Variants in MALRD1 observed in about 807,000 individuals in gnomAD.
MALRD1 encodes the protein MAM and LDL-receptor class A domain-containing protein 1.
A neutral mutation model predicts 242.1 loss-of-function variants in MALRD1; 247 were observed. The observed-to-expected ratio is 1.02, with a 90% CI of 0.92 to 1.13. The LOEUF (loss-of-function observed/expected upper bound fraction) is 1.13, where lower values mean the gene tolerates loss of function less well. Ranked by LOEUF, MALRD1 falls within the 50% of genes most tolerant of loss-of-function variation. The probability of loss-of-function intolerance (pLI) is 0.00; values close to 1 mark genes in which losing one functional copy is unlikely to be tolerated. For missense variants in MALRD1, 2,989 were observed against 2,533.1 expected, an observed-to-expected ratio of 1.18 and a Z score of -3.86; for synonymous variants, 995 against 866.6, an observed-to-expected ratio of 1.15 and a Z score of -2.60.
chr10:19,351,842 A>T (rs1844389077), intron 25 of MALRD1, among the ~76,000 whole-genome samples, 164 bp from the exon 26 acceptor site: 1 of 152,180 alleles, frequency 6.6e-6, no homozygotes, highest in Admixed American at 6.5e-5. Flanking sequence ...GGCTGGTCTA[A>T]CTTCACTCAG....
intron 14 of MALRD1, among the ~76,000 whole-genome samples, chr10:19,195,548 G>T (rs971647130): frequency 6.6e-5 from 10 of 152,036 alleles, no homozygotes; most frequent in African/African-American, 2.4e-4. Context: ...GTTTAATTGG[G>T]ATCTTAAATT....
At position 19,108,387 on chromosome 10, in the gene MALRD1, C is replaced by CTTTTTTTTTTTTT. The variant is rs35948766; in HGVS notation, c.694+4338_694+4350dup. Reference sequence around the variant, plus strand: ...TTATTGAGCTCATGAATTGTTTTTTCTTTTTTTTTTTTTTTTTTTTTTTTT... The same window carrying CTTTTTTTTTTTTT: ...TTATTGAGCTCATGAATTGTTTTTTCTTTTTTTTTTTTTTTTTTTTTTTTTTTTTTTTTTTTTT... On this transcript the variant is annotated intron_variant, in intron 5 of 39. Coordinates refer to ENST00000454679, the MANE Select transcript of MALRD1 (RefSeq NM_001142308.3). Among the ~76,000 whole-genome samples, 24 of 19,764 alleles carry CTTTTTTTTTTTTT rather than the reference C, an allele frequency of 1.2e-3. 12 individuals are homozygous for CTTTTTTTTTTTTT. The highest frequency in any genetic ancestry group is 1.8e-3 in the Non-Finnish European group (22 of 12,506). The allele number at this position is 19,764 out of a possible 152,430, so 13.0% of individuals were successfully genotyped here. A position where few individuals can be genotyped will look rare whatever the true frequency, so the allele number is the denominator to read the frequency against.
intron 18 of MALRD1, among the ~76,000 whole-genome samples, chr10:19,224,866 C>T (rs1182742291): frequency 6.6e-6 from 1 of 152,112 alleles, no homozygotes; most frequent in Non-Finnish European, 1.5e-5. Context: ...TCAATTTTGG[C>T]TTTTGTTGCC....
At chr10:19,110,208 G>A (rs756018482) in intron 5 of MALRD1, among the ~76,000 whole-genome samples, 13 of 152,058 alleles carry the variant, frequency 8.5e-5, no homozygotes, top group Non-Finnish European at 1.8e-4. Context: ...CTAGTCAGTT[G>A]TCTTGCTAAC....
In MALRD1 at chr10:19,331,592, AGGGTTCT is replaced by A. The variant is rs1168563802; in HGVS notation, c.3901+12_3901+18del. 6.5e-7 allele frequency: 1 copy of A among 1,547,106 alleles called. No individual in the cohort carries two copies. The highest frequency in any genetic ancestry group is 1.4e-5 in the African/African-American group (1 of 72,978). ...ACTACTTTCATTTGCCGTAAGTAAAAGGGTTCTGTTTTCTTACTTTTGCCTTCAACTC... is the reference window on the plus strand; with the variant it reads ...ACTACTTTCATTTGCCGTAAGTAAAAGTTTTCTTACTTTTGCCTTCAACTC... On this transcript the variant is annotated intron_variant, in intron 24 of 39. Coordinates refer to ENST00000454679, the MANE Select transcript of MALRD1 (RefSeq NM_001142308.3).
At chr10:19,070,219 A>T (rs549745404) in intron 2 of MALRD1, among the ~76,000 whole-genome samples, 2 of 152,248 alleles carry the variant, frequency 1.3e-5, no homozygotes, top group African/African-American at 4.8e-5. Flanking sequence ...ATCCATCATA[A>T]ATTGAAAATG....
At chr10:19,133,142 G>T (rs1027434820) in intron 8 of MALRD1, among the ~76,000 whole-genome samples, 1 of 151,976 alleles carries the variant, frequency 6.6e-6, no homozygotes, top group African/African-American at 2.4e-5. Flanking sequence ...TTTCACCATA[G>T]ACTTTTATTG....
chr10:19,210,950 A>G (rs1262611305), intron 18 of MALRD1, among the ~76,000 whole-genome samples: 1 of 152,218 alleles, frequency 6.6e-6, no homozygotes, highest in African/African-American at 2.4e-5. Flanking sequence ...TCAGTGTGGC[A>G]TCGTTCTGGT....
At chr10:19,150,456 G>A (rs909888282) in intron 11 of MALRD1, among the ~76,000 whole-genome samples, 1 of 152,064 alleles carries the variant, frequency 6.6e-6, no homozygotes, top group Non-Finnish European at 1.5e-5. Flanking sequence ...ACCTGAAAGG[G>A]GCAGCTGGCA....
rs565411968 is a variant in MALRD1 at position 19,652,780 on chromosome 10, G to A, written c.6137+36857G>A. Among the ~76,000 whole-genome samples, 71 of 152,246 alleles carry A rather than the reference G, an allele frequency of 4.7e-4. 2 individuals are homozygous for A. The highest frequency in any genetic ancestry group is 3.7e-3 in the South Asian group (18 of 4,828). The stretch of plus-strand genomic sequence containing the variant: ...TAGAGATTGTTCCCATTTTATAGTT[G>A]AAGAAACTGAGGTTTACAGATTTAA... On this transcript the variant is annotated intron_variant, in intron 36 of 39. Transcript: ENST00000454679.
intron 29 of MALRD1, among the ~76,000 whole-genome samples, chr10:19,476,518 C>A (rs1259689899): frequency 3.3e-5 from 5 of 152,116 alleles, no homozygotes; most frequent in Admixed American, 3.3e-4. Flanking sequence ...CCATAATCTA[C>A]TTCAGAGGTC....
At position 19,119,122 on chromosome 10, in the gene MALRD1, G is replaced by T. The variant is rs921812990; in HGVS notation, c.695-4370G>T. The stretch of plus-strand genomic sequence containing the variant: ...TTGATAATGCAGAAATTTGCTGATG[G>T]ATTGCATGTTTGGTGAGAGAGAGAG... On this transcript the variant is annotated intron_variant, in intron 5 of 39. Transcript: ENST00000454679. Among the ~76,000 whole-genome samples, 4 of 152,272 alleles carry T rather than the reference G, an allele frequency of 2.6e-5. No individual in the cohort carries two copies. The South Asian group carries it at 6.2e-4, about 24-fold the overall frequency.
At chr10:19,109,476 G>T (rs1441572504) in intron 5 of MALRD1, among the ~76,000 whole-genome samples, 1 of 152,178 alleles carries the variant, frequency 6.6e-6, no homozygotes, top group Admixed American at 6.5e-5. Context: ...TAATTTGGGG[G>T]TAAAGACATC....
chr10:19,289,202 G>T (rs1003903296), intron 21 of MALRD1, among the ~76,000 whole-genome samples: 2 of 152,080 alleles, frequency 1.3e-5, no homozygotes, highest in African/African-American at 4.8e-5. Context: ...AGAAAAGGTG[G>T]ACTAGAATTT....
chr10:19,634,589 A>G (rs1232799625), intron 36 of MALRD1, among the ~76,000 whole-genome samples: 4 of 152,266 alleles, frequency 2.6e-5, no homozygotes, highest in South Asian at 4.1e-4. Flanking sequence ...GGAGACTTAG[A>G]TCTTCAGCTC....
intron 26 of MALRD1, among the ~76,000 whole-genome samples, chr10:19,380,266 C>A (rs1043697774): frequency 8.1e-6 from 1 of 123,794 alleles, no homozygotes; most frequent in Non-Finnish European, 1.7e-5. Flanking sequence ...TGAGCCACTG[C>A]GGCCAGCCTT....
At chr10:19,559,721 A>G (rs546840941) in intron 32 of MALRD1, among the ~76,000 whole-genome samples, 8 of 152,272 alleles carry the variant, frequency 5.3e-5, no homozygotes, top group African/African-American at 1.9e-4. Flanking sequence ...ATGGGAGAAA[A>G]TTTTTGCAAT....
chr10:19,666,315 G>A (rs920033930), intron 36 of MALRD1, among the ~76,000 whole-genome samples: 1 of 151,962 alleles, frequency 6.6e-6, no homozygotes, highest in Admixed American at 6.6e-5. Context: ...TATACTTTCA[G>A]ATCTTTTCAT....
intron 29 of MALRD1, among the ~76,000 whole-genome samples, chr10:19,459,602 T>C (rs1835832730): frequency 6.6e-6 from 1 of 152,068 alleles, no homozygotes; most frequent in Non-Finnish European, 1.5e-5. Context: ...TAATCAGTGA[T>C]TTTAAATTAA....
Sources: allele counts gnomAD v4.1 joint callset (sites outside exome capture counted in the v4.1 genomes callset), GRCh38; gene constraint gnomAD v4.1.1; transcripts MANE v1.5; gene names NCBI Gene and HGNC (gene_info 2026-07-23, HGNC 2026-07-21).